Variants in MDGA2 observed in about 807,000 individuals in gnomAD.
The protein encoded by MDGA2 is MAM domain containing glycosylphosphatidylinositol anchor 2.
In MDGA2, 40 loss-of-function variants were observed where a neutral mutation model predicts 117.8. The ratio of observed to expected loss-of-function variants is 0.34; its 90% CI spans 0.26 to 0.44. MDGA2 has a LOEUF of 0.44. Among genes scored for constraint, MDGA2 ranks in the 20% least tolerant of loss-of-function variants. The pLI, the probability that MDGA2 is intolerant of heterozygous loss-of-function variation, is 1.00. For missense variants in MDGA2, 1,123 were observed against 1,250.6 expected, an observed-to-expected ratio of 0.90 and a Z score of 1.54; for synonymous variants, 452 against 439.0, an observed-to-expected ratio of 1.03 and a Z score of -0.37.
chr14:47,593,735 G>C (rs965709234), intron 1 of MDGA2, among the ~76,000 whole-genome samples: 5 of 152,068 alleles, frequency 3.3e-5, no homozygotes, highest in African/African-American at 4.8e-5. Flanking sequence ...GGGGGATGGG[G>C]GAGGGTGAGC....
intron 1 of MDGA2, among the ~76,000 whole-genome samples, chr14:47,620,398 C>A (rs989001231): frequency 6.6e-6 from 1 of 152,176 alleles, no homozygotes; most frequent in Non-Finnish European, 1.5e-5. Context: ...TAGACGAAAT[C>A]TTTGGCAAAT....
chr14:47,525,048 A>G (rs1443076476), intron 1 of MDGA2, among the ~76,000 whole-genome samples: 1 of 152,194 alleles, frequency 6.6e-6, no homozygotes, highest in Non-Finnish European at 1.5e-5. Context: ...CAATGATTGG[A>G]AGTTCACTGT....
At chr14:46,839,634 G>A (rs1389629488), downstream of MDGA2, among the ~76,000 whole-genome samples, 3 of 151,802 alleles carry the variant, frequency 2.0e-5, no homozygotes, top group African/African-American at 2.4e-5. Context: ...TTTGTAAAAC[G>A]TAAAAGAAAT....
At chr14:47,341,590 CTTTGAT>C (rs1406377677) in intron 1 of MDGA2, among the ~76,000 whole-genome samples, 2 of 152,084 alleles carry the variant, frequency 1.3e-5, no homozygotes, top group East Asian at 3.9e-4. Context: ...ATAATATTTT[CTTTGAT>C]AATACATATT....
At chr14:47,525,210 C>A (rs768205581) in intron 1 of MDGA2, among the ~76,000 whole-genome samples, 2 of 152,180 alleles carry the variant, frequency 1.3e-5, no homozygotes, top group Admixed American at 1.3e-4. Flanking sequence ...TTTAAGACTA[C>A]GGTAATTGTC....
chr14:47,268,306 C>T (rs1888032714), intron 2 of MDGA2, among the ~76,000 whole-genome samples: 1 of 152,080 alleles, frequency 6.6e-6, no homozygotes, highest in Non-Finnish European at 1.5e-5. Flanking sequence ...AACTCCTGAC[C>T]TCATGTGATC....
intron 3 of MDGA2, among the ~76,000 whole-genome samples, chr14:47,145,210 G>A (rs1050927051): frequency 2.0e-4 from 30 of 152,104 alleles, no homozygotes; most frequent in African/African-American, 7.0e-4. Flanking sequence ...AAGAAAGACT[G>A]TACAGTAGAG....
At chr14:46,979,385 C>T (rs2138372041) in intron 8 of MDGA2, among the ~76,000 whole-genome samples, 1 of 152,110 alleles carries the variant, frequency 6.6e-6, no homozygotes, top group East Asian at 1.9e-4. Context: ...TAAGTGTTCA[C>T]ATGAAAGGAA....
At chr14:46,913,223 C>T (rs1164562175) in intron 10 of MDGA2, among the ~76,000 whole-genome samples, 1 of 151,924 alleles carries the variant, frequency 6.6e-6, no homozygotes, top group African/African-American at 2.4e-5. Context: ...CAGTACATGC[C>T]CCAAATATGT....
rs1286390355 is a variant in MDGA2 at position 47,173,412 on chromosome 14, AC to A, written c.596-29139del. Among the ~76,000 whole-genome samples the A allele has an allele frequency of 2.8e-4, 43 of 152,342 alleles. No homozygotes were observed. In the East Asian group the frequency reaches 7.7e-3, roughly 27 times the overall value. On this transcript the variant is annotated intron_variant, in intron 3 of 16. Transcript: ENST00000399232. ...GGCAGCCAGAGAGAAAGGTTGGGTT[AC>A]CCACAAAGGGAAGCACATCAGACTA...
chr14:47,002,982 G>C (rs1887584509), intron 8 of MDGA2, among the ~76,000 whole-genome samples: 1 of 151,986 alleles, frequency 6.6e-6, no homozygotes, highest in Admixed American at 6.6e-5. Context: ...ATGCTCCTTG[G>C]TAATCCATTC....
chr14:46,967,732 T>G (rs780953335), intron 8 of MDGA2, among the ~76,000 whole-genome samples: 10 of 152,186 alleles, frequency 6.6e-5, no homozygotes, highest in Admixed American at 3.3e-4. Flanking sequence ...AACTTGCAGA[T>G]AGTACTGAAC....
chr14:47,240,238 G>T (rs542312785), intron 2 of MDGA2, among the ~76,000 whole-genome samples: 1 of 151,658 alleles, frequency 6.6e-6, no homozygotes, highest in South Asian at 2.1e-4. Flanking sequence ...AGAGATGGGG[G>T]TTTCACCATG....
chr14:47,151,790 TAAC>T (rs1340422100), intron 3 of MDGA2, among the ~76,000 whole-genome samples: 3 of 151,886 alleles, frequency 2.0e-5, no homozygotes, highest in African/African-American at 7.2e-5. Flanking sequence ...TATATTTCAA[TAAC>T]AATATGGTTT....
rs1882593345 is a variant in MDGA2 at position 46,884,498 on chromosome 14, C to T, written c.2239-2277G>A. 6.6e-6 allele frequency among the ~76,000 whole-genome samples: 1 copy of T among 152,068 alleles called. No individual in the cohort carries two copies. On this transcript the variant is annotated intron_variant, in intron 10 of 16. Coordinates refer to ENST00000399232, the MANE Select transcript of MDGA2 (RefSeq NM_001113498.3). This position sits in a 1 kb window ranked among gnomAD's most constrained non-coding sequence, Gnocchi z 4.1. ...CTATATGTTCATAAGTATTTGTTTTCTGAAGGTTAAGTTAGTCCTAATTAT... is the reference window on the plus strand; with the variant it reads ...CTATATGTTCATAAGTATTTGTTTTTTGAAGGTTAAGTTAGTCCTAATTAT...
intron 1 of MDGA2, among the ~76,000 whole-genome samples, chr14:47,507,493 G>A (rs992288434): frequency 1.3e-5 from 2 of 152,126 alleles, no homozygotes; most frequent in African/African-American, 4.8e-5. Flanking sequence ...CTGAAAAGGA[G>A]AGAGAACAAG....
intron 1 of MDGA2, among the ~76,000 whole-genome samples, chr14:47,633,193 G>A (rs749347251): frequency 1.8e-4 from 6 of 33,644 alleles, no homozygotes; most frequent in Non-Finnish European, 3.3e-4. Context: ...GAACGACGAT[G>A]TCTTTTTTTA....
At chr14:47,276,176 T>C (rs1202568351) in intron 2 of MDGA2, among the ~76,000 whole-genome samples, 2 of 152,162 alleles carry the variant, frequency 1.3e-5, no homozygotes, top group East Asian at 3.9e-4. Flanking sequence ...TAATTAAACA[T>C]AATCAGGCAT....
At chr14:47,436,390 T>G (rs1892899034) in intron 1 of MDGA2, among the ~76,000 whole-genome samples, 1 of 152,122 alleles carries the variant, frequency 6.6e-6, no homozygotes. Flanking sequence ...AGCTAGTCTT[T>G]AGTAGTACAG....
Sources: gnomAD v4.1 joint callset for allele counts (sites outside exome capture counted in the v4.1 genomes callset) on GRCh38, gnomAD v4.1.1 for gene constraint, Gnocchi (gnomAD v3.1) non-coding constraint, MANE v1.5 for transcripts, NCBI Gene and HGNC (gene_info 2026-07-23, HGNC 2026-07-21) for gene names.